CFH: variants seen among roughly 807,000 people sequenced by gnomAD.
CFH encodes complement factor H, also known as H factor 1 (complement).
Under a neutral mutation model 147.3 loss-of-function variants are expected in CFH, and 53 were observed. The ratio of observed to expected loss-of-function variants is 0.36; its 90% CI spans 0.29 to 0.45. The LOEUF (loss-of-function observed/expected upper bound fraction) is 0.45, where lower values mean the gene tolerates loss of function less well. Ranked by LOEUF, CFH falls within the 20% of genes least tolerant of loss-of-function variation. The pLI is 1.00. For synonymous variants in CFH, 536 were observed against 489.4 expected (o/e 1.10, Z -1.26); for missense variants, 1,380 against 1,498.0 (o/e 0.92, Z 1.30).
chr1:196,709,516 G>T (rs776208480), intron 9 of CFH, among the ~76,000 whole-genome samples: 2 of 152,010 alleles, frequency 1.3e-5, no homozygotes, highest in Non-Finnish European at 2.9e-5. Flanking sequence ...AATTGAGAAG[G>T]GATCAAGCCC....
intron 20 of CFH, among the ~76,000 whole-genome samples, chr1:196,744,406 AT>A (rs1652931905): frequency 6.6e-6 from 1 of 152,026 alleles, no homozygotes; most frequent in East Asian, 1.9e-4. Flanking sequence ...CTATTTCCCT[AT>A]TCCTCCATTC....
At chr1:196,695,575 G>A (rs940897696) in intron 9 of CFH, among the ~76,000 whole-genome samples, 7 of 150,454 alleles carry the variant, frequency 4.7e-5, no homozygotes, top group African/African-American at 1.7e-4. Flanking sequence ...GAATAGCATT[G>A]TATGTATCAA....
intron 9 of CFH, chr1:196,700,877 C>G (rs1415583503): frequency 6.1e-6 from 6 of 985,120 alleles, no homozygotes; most frequent in African/African-American, 1.7e-5. Context: ...GAAACCATTT[C>G]TGGTCTCAGA....
intron 1 of CFH, among the ~76,000 whole-genome samples, chr1:196,672,613 C>G (rs1667321261): frequency 6.6e-6 from 1 of 152,044 alleles, no homozygotes; most frequent in Admixed American, 6.6e-5. Context: ...TTCTTTATAA[C>G]TTAGAATAGT....
intron 15 of CFH, among the ~76,000 whole-genome samples, chr1:196,733,449 A>C (rs903956665): frequency 2.0e-5 from 3 of 152,062 alleles, no homozygotes; most frequent in African/African-American, 7.2e-5. Context: ...TAAGAGTTTT[A>C]AGAGGAGTCC....
intron 10 of CFH, among the ~76,000 whole-genome samples, chr1:196,714,656 TATATATATATATAGAGAGAG>T (rs1429247148): frequency 3.7e-3 from 182 of 49,298 alleles, no homozygotes; most frequent in East Asian, 0.016. Context: ...TATATATATA[TATATATATATATAGAGAGAG>T]AGAGAGAGAG....
chr1:196,705,511 C>A (rs1206917339), intron 9 of CFH, among the ~76,000 whole-genome samples: 2 of 152,134 alleles, frequency 1.3e-5, no homozygotes, highest in Non-Finnish European at 2.9e-5. Flanking sequence ...GCCTTTCTAA[C>A]CATTAAGTAA....
intron 3 of CFH, among the ~76,000 whole-genome samples, chr1:196,675,267 G>A (rs1026308772): frequency 3.3e-5 from 5 of 152,098 alleles, no homozygotes; most frequent in African/African-American, 1.2e-4. Context: ...TAGATTCAAA[G>A]GGCAGGCTTG....
At chr1:196,694,291 T>A (rs1668172233) in intron 9 of CFH, among the ~76,000 whole-genome samples, 1 of 152,144 alleles carries the variant, frequency 6.6e-6, no homozygotes, top group Admixed American at 6.5e-5. Flanking sequence ...TTGCTGAAGA[T>A]GATGGTTTCC....
chr1:196,747,406 T>C lies in CFH; in HGVS notation c.*93T>C, dbSNP rs1287077560. 1.3e-6 allele frequency: 2 copies of C among 1,501,632 alleles called. No individual in the cohort carries two copies. The highest frequency in any genetic ancestry group is 1.8e-6 in the Non-Finnish European group (2 of 1,091,846). 93.0% of individuals were successfully genotyped at this position (1,501,632 alleles called of 1,614,324 possible). ...TATGTATTGTTTTACTCCTTTTTAT[T>C]CATACGTAAAATTTTGGATTAATTT... On this transcript the variant is annotated 3_prime_UTR_variant, in exon 22 of 22. Coordinates refer to ENST00000367429, the MANE Select transcript of CFH (RefSeq NM_000186.4).
rs200608085 is a variant in CFH at position 196,713,813 on chromosome 1, A to G, written c.1415A>G (p.Lys472Arg). 6.2e-7 allele frequency: 1 copy of G among 1,611,804 alleles called. No homozygotes were observed. Among genetic ancestry groups the G allele is most frequent in the Non-Finnish European group, 8.5e-7 (1 of 1,178,338 alleles). Reference protein sequence around the residue: ...ESQYTYALKEKAKYQCKLGYV... With the variant: ...ESQYTYALKERAKYQCKLGYV... ...CAGTATACATATGCCTTAAAAGAAA[A>G]AGCGAAATATCAATGCAAACTAGGA... The change falls in exon 10 of 22, where the codon AAA becomes AGA. Residue 472 changes from lysine to arginine, a missense_variant. Lys to Arg is a conservative substitution (Grantham distance 26, BLOSUM62 2). This residue lies in a region of CFH where 830 missense variants were observed against 821.4 expected (regional missense o/e 1.01). Transcript: ENST00000367429.
intron 9 of CFH, among the ~76,000 whole-genome samples, chr1:196,703,982 CAAA>C (rs386369224): frequency 1.7e-5 from 1 of 60,592 alleles, no homozygotes; most frequent in African/African-American, 6.8e-5. Context: ...AAGACTCTGT[CAAA>C]AAAAAAAAAA....
chr1:196,730,037 T>G (rs1329152043), intron 15 of CFH, among the ~76,000 whole-genome samples: 1 of 151,894 alleles, frequency 6.6e-6, no homozygotes, highest in Non-Finnish European at 1.5e-5. Context: ...AAAAAACTAT[T>G]TTCATTGATA....
intron 1 of CFH, among the ~76,000 whole-genome samples, chr1:196,658,407 A>ATTTTTTTTTTTTTG (rs1666782748): frequency 1.1e-5 from 1 of 92,276 alleles, no homozygotes; most frequent in Non-Finnish European, 2.0e-5. Flanking sequence ...TGCTCAGGTA[A>ATTTTTTTTTTTTTG]TTTTTTTTTT....
intron 7 of CFH, among the ~76,000 whole-genome samples, chr1:196,685,627 C>T (rs1050161273): frequency 6.6e-6 from 1 of 152,012 alleles, no homozygotes; most frequent in Non-Finnish European, 1.5e-5. Context: ...CTCAAAATGG[C>T]TTATATAAGT....
chr1:196,677,431 A>T, intron 4 of CFH, 45 bp from the exon 5 acceptor site: 2 of 1,564,610 alleles, frequency 1.3e-6, no homozygotes, highest in Non-Finnish European at 1.8e-6. Context: ...TTTCACAATA[A>T]ACTTTTAAAA....
chr1:196,711,643 A>G (rs1573051577), intron 9 of CFH, among the ~76,000 whole-genome samples: 1 of 152,000 alleles, frequency 6.6e-6, no homozygotes, highest in African/African-American at 2.4e-5. Flanking sequence ...AAAAAGCTTA[A>G]AAAACCCCAG....
chr1:196,672,916 C>G (rs1232534958), intron 1 of CFH, 62 bp from the exon 2 acceptor site: 5 of 1,393,296 alleles, frequency 3.6e-6, no homozygotes, highest in Admixed American at 1.9e-5. Flanking sequence ...CAACAATTAC[C>G]TAAATATACT....
rs541975428 is a variant in CFH, at chr1:196,731,927, T to C, written c.2413+3405T>C. 2.0e-5 allele frequency among the ~76,000 whole-genome samples: 3 copies of C among 152,188 alleles called. No homozygotes were observed. In the South Asian group the frequency reaches 6.2e-4, roughly 32 times the overall value. ...TTGGCTTTTTTCAATACTTGGTCTA[T>C]AACTTTTGATAATTTGATTGTGTTA... On this transcript the variant is annotated intron_variant, in intron 15 of 21. Transcript: ENST00000367429.
Sources: gnomAD v4.1 joint callset for allele counts (sites outside exome capture counted in the v4.1 genomes callset) on GRCh38, gnomAD v4.1.1 for gene constraint, gnomAD v4.1.1 regional missense constraint, MANE v1.5 for transcripts, NCBI Gene and HGNC (gene_info 2026-07-23, HGNC 2026-07-21) for gene names.